ZNF407: variants seen among roughly 807,000 people sequenced by gnomAD.
ZNF407 encodes zinc finger protein 407.
Under a neutral mutation model 131.2 loss-of-function variants are expected in ZNF407, and 17 were observed. The observed-to-expected ratio is 0.13, with a 90% CI of 0.09 to 0.19. The LOEUF is 0.19. Among genes scored for constraint, ZNF407 ranks in the 10% least tolerant of loss-of-function variants. ZNF407 has a pLI of 1.00. For missense variants in ZNF407, 2,681 were observed against 2,830.6 expected (o/e 0.95, Z 1.20); for synonymous variants, 1,156 against 1,062.0 (o/e 1.09, Z -1.72).
chr18:74,697,775 C>T (rs919447923), intron 3 of ZNF407, among the ~76,000 whole-genome samples: 2 of 152,060 alleles, frequency 1.3e-5, no homozygotes, highest in African/African-American at 4.8e-5. Flanking sequence ...GCAATTAATA[C>T]ACTACAATAT....
chr18:75,016,097 G>T (rs1423684163), intron 8 of ZNF407, among the ~76,000 whole-genome samples: 1 of 152,004 alleles, frequency 6.6e-6, no homozygotes, highest in Non-Finnish European at 1.5e-5. Context: ...GGTTTTTTGA[G>T]GTTATGATTG....
intron 4 of ZNF407, among the ~76,000 whole-genome samples, chr18:74,864,150 A>T (rs995015975): frequency 1.3e-5 from 2 of 152,118 alleles, no homozygotes; most frequent in Non-Finnish European, 2.9e-5. Context: ...TAGATTGATT[A>T]GTTTTTTCAA....
intron 3 of ZNF407, among the ~76,000 whole-genome samples, chr18:74,773,310 A>G (rs1421796804): frequency 2.6e-5 from 4 of 151,732 alleles, no homozygotes; most frequent in Non-Finnish European, 4.4e-5. Flanking sequence ...GAAATTGACA[A>G]TAGTATGAAA....
At chr18:75,003,582 A>G (rs1196705787) in intron 8 of ZNF407, among the ~76,000 whole-genome samples, 3 of 152,108 alleles carry the variant, frequency 2.0e-5, no homozygotes, top group Non-Finnish European at 2.9e-5. Context: ...TTCTCATTTA[A>G]CCCATTTTTC....
chr18:74,942,710 T>A (rs1294010584), intron 8 of ZNF407, among the ~76,000 whole-genome samples: 2 of 152,126 alleles, frequency 1.3e-5, no homozygotes, highest in South Asian at 4.2e-4. Flanking sequence ...TCTGGGGCGC[T>A]TCCTCTCCAT....
In ZNF407 at chr18:74,722,387, A is replaced by G. The variant is rs567157295; in HGVS notation, c.4803-59041A>G. On this transcript the variant is annotated intron_variant, in intron 3 of 8. Transcript: ENST00000299687. ...TAGTTGTCTTACTGGTTTTTCATTT[A>G]TAGAATCTCCTTGCCACATTTCTTG... 7.9e-5 allele frequency among the ~76,000 whole-genome samples: 12 copies of G among 152,248 alleles called. No individual in the cohort carries two copies. The East Asian group carries it at 2.3e-3, about 29-fold the overall frequency.
At chr18:74,967,458 G>T (rs1238677919) in intron 8 of ZNF407, among the ~76,000 whole-genome samples, 6 of 152,046 alleles carry the variant, frequency 3.9e-5, no homozygotes, top group Non-Finnish European at 8.8e-5. Flanking sequence ...CTTAAAAATT[G>T]CCTCTTGTTT....
intron 3 of ZNF407, among the ~76,000 whole-genome samples, chr18:74,690,919 T>C (rs1026713289): frequency 5.3e-5 from 8 of 152,254 alleles, no homozygotes; most frequent in African/African-American, 1.9e-4. Flanking sequence ...TTTTCAATAC[T>C]TGTGGAACCA....
rs368204561 is a variant in ZNF407, at chr18:74,639,825, ACT to A, written c.4688-1180_4688-1179del. 3.6e-3 allele frequency among the ~76,000 whole-genome samples: 549 copies of A among 151,032 alleles called. 1 individual carries two copies. Among genetic ancestry groups the A allele is most frequent in the South Asian group, 9.6e-3 (46 of 4,800 alleles). On this transcript the variant is annotated intron_variant, in intron 2 of 8. Coordinates refer to ENST00000299687, the MANE Select transcript of ZNF407 (RefSeq NM_017757.3). The stretch of plus-strand genomic sequence containing the variant: ...TTTGGGAATTAAATTGAAATTTAAG[ACT>A]CTAAAATTTTTTACTGAGTGCTTCA...
At chr18:74,874,854 A>G (rs185357158) in intron 4 of ZNF407, among the ~76,000 whole-genome samples, 53 of 152,128 alleles carry the variant, frequency 3.5e-4, no homozygotes, top group African/African-American at 1.2e-4. Context: ...TCTCTGTGCT[A>G]TGTGGAACAG....
intron 8 of ZNF407, among the ~76,000 whole-genome samples, chr18:75,034,300 G>GTTTTTTT (rs71170337): frequency 2.6e-5 from 3 of 115,214 alleles, no homozygotes; most frequent in Admixed American, 9.4e-5. Context: ...TCTGTGTTGG[G>GTTTTTTT]TTTTTTTTTT....
At chr18:74,774,945 C>G (rs1969437392) in intron 3 of ZNF407, among the ~76,000 whole-genome samples, 1 of 152,158 alleles carries the variant, frequency 6.6e-6, no homozygotes, top group Non-Finnish European at 1.5e-5. Flanking sequence ...AGCAAGGAAG[C>G]AGGCATCCCA....
Position 74,781,515 on chromosome 18 carries a change from C to A in ZNF407, c.4877+13C>A. ...CCCCAAAAGAAAGGTAATTTTCATTCTTTTTTTTTCATTTAAAAATACAAT... is the reference window on the plus strand; with the variant it reads ...CCCCAAAAGAAAGGTAATTTTCATTATTTTTTTTTCATTTAAAAATACAAT... On this transcript the variant is annotated intron_variant, in intron 4 of 8. Coordinates refer to ENST00000299687, the MANE Select transcript of ZNF407 (RefSeq NM_017757.3). 1.4e-6 allele frequency: 2 copies of A among 1,462,216 alleles called. No homozygotes were observed. The highest frequency in any genetic ancestry group is 1.8e-6 in the Non-Finnish European group (2 of 1,103,886). 90.6% of individuals were successfully genotyped at this position (1,462,216 alleles called of 1,614,324 possible). A position where few individuals can be genotyped will look rare whatever the true frequency, so the allele number is the denominator to read the frequency against.
chr18:75,065,489 G>A lies in ZNF407; in HGVS notation c.*1021G>A, dbSNP rs560467694. 6.6e-6 allele frequency: 1 copy of A among 152,342 alleles called. No homozygotes were observed. The highest frequency in any genetic ancestry group is 6.5e-5 in the Admixed American group (1 of 15,308). 9.4% of individuals were successfully genotyped at this position (152,342 alleles called of 1,614,324 possible). A position where few individuals can be genotyped will look rare whatever the true frequency, so the allele number is the denominator to read the frequency against. On this transcript the variant is annotated 3_prime_UTR_variant, in exon 9 of 9. Transcript: ENST00000299687. ...GTGGCCCTGCTGTGGCCACCAGCATGGTCTGTGTCCTCGTGGATTCACTGC... is the reference window on the plus strand; with the variant it reads ...GTGGCCCTGCTGTGGCCACCAGCATAGTCTGTGTCCTCGTGGATTCACTGC...
intron 4 of ZNF407, among the ~76,000 whole-genome samples, chr18:74,818,884 A>T (rs1040412194): frequency 1.3e-4 from 20 of 149,550 alleles, no homozygotes; most frequent in Non-Finnish European, 1.5e-5. Flanking sequence ...AAAAAAAGCT[A>T]AACATGAATA....
At chr18:74,627,048 CT>C in intron 1 of ZNF407, among the ~76,000 whole-genome samples, 1 of 152,286 alleles carries the variant, frequency 6.6e-6, no homozygotes, top group Admixed American at 6.5e-5. Context: ...TTCGTACTTT[CT>C]TAGGCAGAAA....
intron 3 of ZNF407, among the ~76,000 whole-genome samples, chr18:74,692,937 C>T (rs1967262800): frequency 6.6e-6 from 1 of 152,190 alleles, no homozygotes; most frequent in Admixed American, 6.5e-5. Flanking sequence ...GGCTTTGTGC[C>T]TGTTTCTGCA....
At chr18:75,041,314 T>C (rs892174214) in intron 8 of ZNF407, among the ~76,000 whole-genome samples, 1 of 152,224 alleles carries the variant, frequency 6.6e-6, no homozygotes, top group Non-Finnish European at 1.5e-5. Context: ...TTGCCAGTTA[T>C]TATTATGAAA....
rs183669379 is a variant in ZNF407 at position 74,650,534 on chromosome 18, T to A, written c.4802+9412T>A. Among the ~76,000 whole-genome samples the A allele has an allele frequency of 3.6e-3, 548 of 152,256 alleles. 2 individuals carry two copies. Among genetic ancestry groups the A allele is most frequent in the African/African-American group, 0.013 (521 of 41,546 alleles). On this transcript the variant is annotated intron_variant, in intron 3 of 8. Coordinates refer to ENST00000299687, the MANE Select transcript of ZNF407 (RefSeq NM_017757.3). ...CTGTGTTGGTGTAGTTCAGCAGACA[T>A]CCTGTTAGTCACTCTTTCTAGGTAG...
Sources: allele counts gnomAD v4.1 joint callset (sites outside exome capture counted in the v4.1 genomes callset), GRCh38; gene constraint gnomAD v4.1.1; transcripts MANE v1.5; gene names NCBI Gene and HGNC (gene_info 2026-07-23, HGNC 2026-07-21).